Variants in ZFAT observed in about 807,000 individuals in gnomAD.
ZFAT encodes the protein zinc finger and AT-hook domain containing, also known as zinc finger protein ZFAT.
In ZFAT, 64 loss-of-function variants were observed where a neutral mutation model predicts 117.7. The observed-to-expected ratio is 0.54, with a 90% CI of 0.44 to 0.67. The LOEUF (loss-of-function observed/expected upper bound fraction) is 0.67, where lower values mean the gene tolerates loss of function less well. Among genes scored for constraint, ZFAT ranks in the 30% least tolerant of loss-of-function variants. ZFAT has a pLI of 0.00. For missense variants in ZFAT, 1,433 were observed against 1,584.5 expected (o/e 0.90, Z 1.62); for synonymous variants, 679 against 615.0 (o/e 1.10, Z -1.54).
intron 15 of ZFAT, among the ~76,000 whole-genome samples, chr8:134,498,722 T>C (rs1586587873): frequency 7.3e-5 from 1 of 13,692 alleles, no homozygotes; most frequent in African/African-American, 2.8e-4. Flanking sequence ...CACAGCCTGA[T>C]TTGGTAGGGT....
chr8:134,577,567 T>C (rs1825396945), intron 10 of ZFAT, among the ~76,000 whole-genome samples: 1 of 152,188 alleles, frequency 6.6e-6, no homozygotes, highest in East Asian at 1.9e-4. Context: ...CGCAACCACT[T>C]CATGCAAGGC....
At chr8:134,830,166 T>C in the ZFAT span, among the ~76,000 whole-genome samples, 9 of 152,144 alleles carry the variant, frequency 5.9e-5, no homozygotes, top group Middle Eastern at 3.2e-3. Context: ...AATTCTACAG[T>C]TCCCTTGAAA....
chr8:134,818,962 A>T, the ZFAT span, among the ~76,000 whole-genome samples: 2 of 152,230 alleles, frequency 1.3e-5, no homozygotes, highest in African/African-American at 4.8e-5. Flanking sequence ...TTTTGGGGGT[A>T]TATGTTTAGT....
intron 2 of ZFAT, among the ~76,000 whole-genome samples, chr8:134,654,643 C>T (rs1252987261): frequency 6.6e-6 from 1 of 152,220 alleles, no homozygotes; most frequent in Non-Finnish European, 1.5e-5. Flanking sequence ...AGGAGCCCTG[C>T]TTTGGGTGGC....
At chr8:134,562,924 T>C (rs1824152038) in intron 11 of ZFAT, among the ~76,000 whole-genome samples, 1 of 152,122 alleles carries the variant, frequency 6.6e-6, no homozygotes. Flanking sequence ...GGAAGGAAAA[T>C]GCTTCACAGT....
rs1272304147 is a variant in ZFAT, at chr8:134,524,583, T to TG, written c.3116-3583dup. ...TGGAGGAACTTTTGGTTGGCACAAC[T>TG]GGGGGGTGCCCAGGGCATCCAGTGG... On this transcript the variant is annotated intron_variant, in intron 12 of 15. Transcript: ENST00000377838. Among the ~76,000 whole-genome samples the TG allele has an allele frequency of 6.6e-5, 10 of 152,282 alleles. No individual in the cohort carries two copies. In the East Asian group the frequency reaches 1.9e-3, roughly 29 times the overall value.
chr8:134,628,689 A>C (rs967643572), intron 3 of ZFAT, among the ~76,000 whole-genome samples: 13 of 152,236 alleles, frequency 8.5e-5, no homozygotes, highest in Non-Finnish European at 1.8e-4. Flanking sequence ...ATATTAATAC[A>C]GCAGTCTATG....
the ZFAT span, among the ~76,000 whole-genome samples, chr8:134,787,502 G>A: frequency 1.3e-5 from 2 of 152,096 alleles, no homozygotes; most frequent in Admixed American, 1.3e-4. Flanking sequence ...GTTCTATTTT[G>A]TTCTAGTCTA....
intron 1 of ZFAT, among the ~76,000 whole-genome samples, chr8:134,695,145 GC>G: frequency 6.6e-6 from 1 of 152,282 alleles, no homozygotes; most frequent in East Asian, 1.9e-4. Context: ...GGCCCAGGCT[GC>G]AGTGGAGGAG....
intron 11 of ZFAT, among the ~76,000 whole-genome samples, chr8:134,553,509 A>G (rs1321282449): frequency 1.3e-5 from 2 of 152,196 alleles, no homozygotes; most frequent in African/African-American, 4.8e-5. Context: ...TCTCAGTGAC[A>G]TATTTATGTG....
intron 1 of ZFAT, among the ~76,000 whole-genome samples, chr8:134,672,268 T>C (rs965856196): frequency 2.0e-5 from 3 of 152,112 alleles, no homozygotes; most frequent in African/African-American, 7.2e-5. Flanking sequence ...AAAGTTCATA[T>C]GGAACCAAAA....
At chr8:134,502,864 T>C (rs1158326351) in intron 15 of ZFAT, among the ~76,000 whole-genome samples, 1 of 152,198 alleles carries the variant, frequency 6.6e-6, no homozygotes, top group African/African-American at 2.4e-5. Context: ...GCAGTCCAAA[T>C]TGCTCCTTCC....
At chr8:134,639,613 G>A (rs1483816329) in intron 2 of ZFAT, among the ~76,000 whole-genome samples, 3 of 152,230 alleles carry the variant, frequency 2.0e-5, no homozygotes, top group Admixed American at 6.5e-5. Flanking sequence ...AGGGAGATGG[G>A]AGGAAAGAAA....
chr8:134,752,913 C>T, the ZFAT span, among the ~76,000 whole-genome samples: 38 of 152,268 alleles, frequency 2.5e-4, no homozygotes, highest in African/African-American at 7.9e-4. Context: ...GAGGTTAGGG[C>T]TTTAACAGAT....
At chr8:134,695,073 G>T (rs1833759126) in intron 1 of ZFAT, among the ~76,000 whole-genome samples, 1 of 152,186 alleles carries the variant, frequency 6.6e-6, no homozygotes, top group African/African-American at 2.4e-5. Context: ...GGCTTCAGGG[G>T]AGGGAGCCAG....
At chr8:134,707,695 C>T (rs1440411286) in intron 1 of ZFAT, among the ~76,000 whole-genome samples, 2 of 152,202 alleles carry the variant, frequency 1.3e-5, no homozygotes, top group African/African-American at 4.8e-5. Flanking sequence ...GATGCTGCCC[C>T]TTTCTTATTC....
chr8:134,719,298 C>A, the ZFAT span, among the ~76,000 whole-genome samples: 35 of 152,326 alleles, frequency 2.3e-4, no homozygotes, highest in African/African-American at 7.5e-4. Flanking sequence ...TACTTATCTG[C>A]AATGTGCTTC....
At chr8:134,743,413 T>G in the ZFAT span, among the ~76,000 whole-genome samples, 1 of 152,004 alleles carries the variant, frequency 6.6e-6, no homozygotes, top group Non-Finnish European at 1.5e-5. Flanking sequence ...AGCTTGAACC[T>G]GGGAGGTGGA....
chr8:134,548,676 T>C (rs1292032195), intron 11 of ZFAT, among the ~76,000 whole-genome samples: 3 of 152,142 alleles, frequency 2.0e-5, no homozygotes, highest in Non-Finnish European at 2.9e-5. Context: ...GAGAGGGACT[T>C]CTCCAGCCAA....
Sources: gnomAD v4.1 joint callset for allele counts (sites outside exome capture counted in the v4.1 genomes callset) on GRCh38, gnomAD v4.1.1 for gene constraint, MANE v1.5 for transcripts, NCBI Gene and HGNC (gene_info 2026-07-23, HGNC 2026-07-21) for gene names.